Variants in RGS22 observed in about 807,000 individuals in gnomAD.
RGS22 encodes the protein regulator of G protein signaling 22.
Under a neutral mutation model 172.9 loss-of-function variants are expected in RGS22, and 148 were observed. The ratio of observed to expected loss-of-function variants is 0.86; its 90% confidence interval spans 0.75 to 0.98. The LOEUF is 0.98. Among genes scored for constraint, RGS22 ranks in the 50% least tolerant of loss-of-function variants. The pLI is 0.00. For missense variants in RGS22, 1,347 were observed against 1,440.8 expected, an observed-to-expected ratio of 0.93 and a Z score of 1.05; for synonymous variants, 458 against 480.2, an observed-to-expected ratio of 0.95 and a Z score of 0.60.
intron 3 of RGS22, among the ~76,000 whole-genome samples, chr8:100,089,222 A>G (rs998069448): frequency 4.6e-5 from 7 of 151,824 alleles, no homozygotes; most frequent in African/African-American, 1.5e-4. Context: ...ACACACACAC[A>G]CACACACACA....
intron 19 of RGS22, among the ~76,000 whole-genome samples, chr8:99,996,775 A>G (rs1814446015): frequency 6.6e-6 from 1 of 152,194 alleles, no homozygotes; most frequent in South Asian, 2.1e-4. Context: ...CCAAATGATG[A>G]TAGTTTCACT....
chr8:100,071,424 G>T lies in RGS22; in HGVS notation c.539C>A (p.Ala180Asp). 5.0e-6 allele frequency: 8 copies of T among 1,612,968 alleles called. No individual in the cohort carries two copies. Among genetic ancestry groups the T allele is most frequent in the Non-Finnish European group, 5.9e-6 (7 of 1,179,334 alleles). Reference protein sequence around the residue: ...VKKPPSLPPPATEEDNLVIMK... With the variant: ...VKKPPSLPPPDTEEDNLVIMK... ...AATTACAAGATTATCTTCTTCAGTG[G>T]CAGGAGGTGGTAGACTGGGTGGTTT... Residue 180 changes from alanine to aspartate, a missense_variant, in exon 6 of 28, where the codon GCC (alanine) becomes GAC (aspartate). Coordinates refer to ENST00000360863, the MANE Select transcript of RGS22 (RefSeq NM_015668.5).
rs569598489 is a variant in RGS22 at position 100,033,857 on chromosome 8, C to G, written c.2166+5074G>C. Among the ~76,000 whole-genome samples, 8 of 152,254 alleles carry G rather than the reference C, an allele frequency of 5.3e-5. No homozygotes were observed. The East Asian group carries it at 1.2e-3, about 22-fold the overall frequency. The stretch of plus-strand genomic sequence containing the variant: ...TCCATCACATAAACAGAAACAATCA[C>G]AAAAACCAGATGATTATCTCAATAG... On this transcript the variant is annotated intron_variant, in intron 14 of 27. Transcript: ENST00000360863.
rs1470241982 is a variant in RGS22, at chr8:100,072,244, G to A, written c.340-14C>T. The A allele has an allele frequency of 7.9e-6, 12 of 1,523,394 alleles. No homozygotes were observed. The East Asian group carries it at 9.1e-5, about 12-fold the overall frequency. The allele number at this position is 1,523,394 out of a possible 1,614,324, so 94.4% of individuals were successfully genotyped here. ...ACGACTGAGACACTATGAGAAGAAA[G>A]AGAAAAAGAAAAAGAAGGTCAGAGA... On this transcript the variant is annotated splice_polypyrimidine_tract_variant and intron_variant, in intron 4 of 27. Transcript: ENST00000360863.
At chr8:100,034,988 T>C (rs1819281026) in intron 14 of RGS22, among the ~76,000 whole-genome samples, 1 of 152,164 alleles carries the variant, frequency 6.6e-6, no homozygotes, top group Admixed American at 6.6e-5. Context: ...ATGTTAGACC[T>C]AAAACCAGAA....
intron 6 of RGS22, among the ~76,000 whole-genome samples, chr8:100,068,221 C>T (rs568876828): frequency 2.2e-4 from 34 of 152,062 alleles, no homozygotes; most frequent in African/African-American, 7.7e-4. Flanking sequence ...CCCGTCTCTA[C>T]AAATAATTTT....
rs1398041599 is a variant in RGS22 at position 100,047,497 on chromosome 8, G to A, written c.1789C>T (p.Pro597Ser). Reference sequence around the variant, plus strand: ...ATCACATCATCCTTAGAAGAACCTGGATACAAAAGCTCCCGCTTCCAAGGC... The same window carrying A: ...ATCACATCATCCTTAGAAGAACCTGAATACAAAAGCTCCCGCTTCCAAGGC... ...QKPWKRELLY[P>S]GSSKDDVIEK... is the part of the protein sequence containing the mutation. The change falls in exon 11 of 28, where the codon CCA becomes TCA. Residue 597 changes from proline (P) to serine (S), a missense_variant. Physicochemically the swap from Pro to Ser is moderately conservative, Grantham distance 74 (BLOSUM62 -1). Transcript: ENST00000360863. 2.5e-6 allele frequency: 4 copies of A among 1,606,702 alleles called. No homozygotes were observed. The African/African-American group carries it at 5.4e-5, about 22-fold the overall frequency.
Position 99,962,981 on chromosome 8 carries a change from A to G in RGS22, c.3616-3T>C, listed in dbSNP as rs1309592521. 1.3e-6 allele frequency: 2 copies of G among 1,551,890 alleles called. No homozygotes were observed. Among genetic ancestry groups the G allele is most frequent in the South Asian group, 1.3e-5 (1 of 79,934 alleles). The stretch of plus-strand genomic sequence containing the variant: ...TACTTTGAGTAGCACCAGGTTGGCT[A>G]AAAAAAGCAATTTTCAAAGTTAATT... On this transcript the variant is annotated splice_polypyrimidine_tract_variant and splice_region_variant and intron_variant, in intron 24 of 27. Coordinates refer to ENST00000360863, the MANE Select transcript of RGS22 (RefSeq NM_015668.5).
intron 15 of RGS22, 55 bp downstream of exon 15, chr8:100,008,320 C>G (rs3101322): frequency 0.58 from 874,886 of 1,508,186 alleles, 255,618 homozygotes; most frequent in Admixed American, 0.7. Context: ...TAACAGGCGT[C>G]AGTATTGTAG....
chr8:100,006,890 G>A (rs770710513), intron 15 of RGS22, among the ~76,000 whole-genome samples: 4 of 151,712 alleles, frequency 2.6e-5, no homozygotes, highest in South Asian at 2.1e-4. Context: ...GACTAATGCC[G>A]AAACTTTTTG....
At chr8:99,972,463 C>G (rs1471887516) in intron 23 of RGS22, among the ~76,000 whole-genome samples, 1 of 152,092 alleles carries the variant, frequency 6.6e-6, no homozygotes, top group African/African-American at 2.4e-5. Context: ...AGGGAACAGG[C>G]AACCTACAGA....
At chr8:100,025,104 C>T (rs994225889) in intron 14 of RGS22, among the ~76,000 whole-genome samples, 4 of 152,078 alleles carry the variant, frequency 2.6e-5, no homozygotes, top group Non-Finnish European at 4.4e-5. Flanking sequence ...AGACTCTATG[C>T]ATAACTGGGG....
intron 9 of RGS22, among the ~76,000 whole-genome samples, chr8:100,056,716 ACT>A (rs549094750): frequency 1.3e-3 from 199 of 151,558 alleles, no homozygotes; most frequent in African/African-American, 4.3e-3. Context: ...GGTTTGGGAA[ACT>A]CTGCCTAGAT....
chr8:100,045,925 T>C (rs1563661643), intron 11 of RGS22, among the ~76,000 whole-genome samples: 1 of 151,098 alleles, frequency 6.6e-6, no homozygotes, highest in Non-Finnish European at 1.5e-5. Context: ...CAGAAAAAAA[T>C]AGAAACAATG....
At chr8:100,009,968 G>A (rs1816197194) in intron 14 of RGS22, among the ~76,000 whole-genome samples, 1 of 152,182 alleles carries the variant, frequency 6.6e-6, no homozygotes, top group African/African-American at 2.4e-5. Context: ...AGGACGGTAA[G>A]TGCTATAAGA....
At chr8:100,057,613 C>T (rs1809749804) in intron 9 of RGS22, among the ~76,000 whole-genome samples, 1 of 152,124 alleles carries the variant, frequency 6.6e-6, no homozygotes, top group Admixed American at 6.5e-5. Context: ...GGGAGGTCCC[C>T]TGCACAAGCT....
intron 8 of RGS22, 26 bp from the exon 9 acceptor site, chr8:100,062,778 T>TAC (rs762691057): frequency 5.2e-6 from 8 of 1,552,038 alleles, no homozygotes; most frequent in East Asian, 4.6e-5. Context: ...TTTCCATATA[T>TAC]ACACACACAC....
intron 9 of RGS22, among the ~76,000 whole-genome samples, chr8:100,054,660 A>G (rs1232376444): frequency 6.6e-6 from 1 of 152,206 alleles, no homozygotes; most frequent in African/African-American, 2.4e-5. Flanking sequence ...ATATGGACAC[A>G]GATTGGGAGT....
chr8:99,966,734 A>G (rs1461289630), intron 23 of RGS22, among the ~76,000 whole-genome samples: 3 of 152,234 alleles, frequency 2.0e-5, no homozygotes, highest in Non-Finnish European at 4.4e-5. Flanking sequence ...TGATAAAATG[A>G]GAGTTTCAAT....
Sources: gnomAD v4.1 joint callset for allele counts (sites outside exome capture counted in the v4.1 genomes callset) on GRCh38, gnomAD v4.1.1 for gene constraint, MANE v1.5 for transcripts, NCBI Gene and HGNC (gene_info 2026-07-23, HGNC 2026-07-21) for gene names.